The following EVA1C variants were observed in gnomAD, a reference collection of about 807,000 sequenced individuals.
The protein encoded by EVA1C is eva-1 homolog C.
Under a neutral mutation model 45.4 loss-of-function variants are expected in EVA1C, and 25 were observed. The ratio of observed to expected loss-of-function variants is 0.55; its 90% CI spans 0.40 to 0.77. The LOEUF is 0.77. EVA1C is among the 30% of genes least tolerant of loss of function. EVA1C has a pLI of 0.00. For missense variants in EVA1C, 479 were observed against 554.8 expected (o/e 0.86, Z 1.37); for synonymous variants, 190 against 221.2 (o/e 0.86, Z 1.25).
intron 1 of EVA1C, among the ~76,000 whole-genome samples, chr21:32,436,769 A>T (rs2034969447): frequency 6.6e-6 from 1 of 152,268 alleles, no homozygotes; most frequent in Non-Finnish European, 1.5e-5. Context: ...AGGGCACGGC[A>T]GACACGCCAT....
At position 32,462,868 on chromosome 21, in the gene EVA1C, A is replaced by C. The variant is rs7279106; in HGVS notation, c.482-4828A>C. 6.3e-3 allele frequency among the ~76,000 whole-genome samples: 955 copies of C among 152,322 alleles called. 9 individuals carry two copies. Among genetic ancestry groups the C allele is most frequent in the African/African-American group, 0.019 (792 of 41,578 alleles). Reference sequence around the variant, plus strand: ...AATAGTTTTAGTTAATCTATAATCTATAGAAACAATGCTTATCACTGGCTT... The same window carrying C: ...AATAGTTTTAGTTAATCTATAATCTCTAGAAACAATGCTTATCACTGGCTT... On this transcript the variant is annotated intron_variant, in intron 3 of 7. Coordinates refer to ENST00000300255, the MANE Select transcript of EVA1C (RefSeq NM_058187.5).
chr21:32,430,260 G>A (rs982762200), intron 1 of EVA1C, among the ~76,000 whole-genome samples: 14 of 152,128 alleles, frequency 9.2e-5, no homozygotes, highest in African/African-American at 2.2e-4. Context: ...GTGCCCTCTC[G>A]CCTTCTCTAG....
At position 32,447,968 on chromosome 21, in the gene EVA1C, G is replaced by T. The variant is rs2035425805; in HGVS notation, c.161-5344G>T. ...GATCCGCCTGCCTCGGCCTCCCAAA[G>T]TGCTGGGATTACAAGCGTGAGCCAC... On this transcript the variant is annotated intron_variant, in intron 1 of 7. Coordinates refer to ENST00000300255, the MANE Select transcript of EVA1C (RefSeq NM_058187.5). Among the ~76,000 whole-genome samples, 2 of 152,140 alleles carry T rather than the reference G, an allele frequency of 1.3e-5. 1 individual carries two copies. Among genetic ancestry groups the T allele is most frequent in the South Asian group, 4.1e-4 (2 of 4,828 alleles).
chr21:32,444,972 A>T (rs541682009), intron 1 of EVA1C, among the ~76,000 whole-genome samples: 24 of 151,746 alleles, frequency 1.6e-4, no homozygotes, highest in African/African-American at 4.8e-4. Flanking sequence ...AGTTATTTAC[A>T]TCATTCTGGT....
chr21:32,512,212 C>T (rs1364188894), intron 7 of EVA1C, among the ~76,000 whole-genome samples: 3 of 152,148 alleles, frequency 2.0e-5, no homozygotes, highest in African/African-American at 4.8e-5. Context: ...CGCTCCTATA[C>T]GGGTGTGCAT....
rs143537872 is a variant in EVA1C, at chr21:32,422,255, G to A, written c.160+9242G>A. On this transcript the variant is annotated intron_variant, in intron 1 of 7. Coordinates refer to ENST00000300255, the MANE Select transcript of EVA1C (RefSeq NM_058187.5). ...AGGTATAGCTGAAGAGAGAAACAGTGAGGTGGAAAAAAAAGCTGGAGAAAT... is the reference window on the plus strand; with the variant it reads ...AGGTATAGCTGAAGAGAGAAACAGTAAGGTGGAAAAAAAAGCTGGAGAAAT... 6.7e-3 allele frequency among the ~76,000 whole-genome samples: 1,015 copies of A among 152,172 alleles called. 13 individuals are homozygous for A. The highest frequency in any genetic ancestry group is 0.023 in the African/African-American group (954 of 41,492).
At chr21:32,454,265 G>C (rs1191508948) in intron 2 of EVA1C, among the ~76,000 whole-genome samples, 3 of 152,140 alleles carry the variant, frequency 2.0e-5, no homozygotes, top group African/African-American at 7.2e-5. Flanking sequence ...GGAAATATCA[G>C]TAATATCAGT....
chr21:32,506,555 C>T (rs1904470944), intron 7 of EVA1C, among the ~76,000 whole-genome samples: 1 of 151,800 alleles, frequency 6.6e-6, no homozygotes, highest in South Asian at 2.1e-4. Context: ...ACAAGAAGCT[C>T]GTGACTCAAA....
intron 6 of EVA1C, among the ~76,000 whole-genome samples, chr21:32,503,084 A>G (rs1407736045): frequency 6.6e-6 from 1 of 152,208 alleles, no homozygotes; most frequent in Non-Finnish European, 1.5e-5. Flanking sequence ...AGGTTACCCC[A>G]TCACAGACTT....
intron 1 of EVA1C, among the ~76,000 whole-genome samples, chr21:32,438,598 T>C (rs576225843): frequency 2.3e-3 from 346 of 151,212 alleles, no homozygotes; most frequent in Non-Finnish European, 2.7e-3. Flanking sequence ...GCTGGGACCA[T>C]GTGTAGTAGC....
At chr21:32,464,098 A>G (rs1247929442) in intron 3 of EVA1C, among the ~76,000 whole-genome samples, 2 of 152,244 alleles carry the variant, frequency 1.3e-5, no homozygotes, top group Non-Finnish European at 2.9e-5. Flanking sequence ...CTCACCAAAA[A>G]GAATCGAACC....
chr21:32,458,644 G>A (rs1021556531), intron 3 of EVA1C, among the ~76,000 whole-genome samples: 1 of 151,962 alleles, frequency 6.6e-6, no homozygotes, highest in Non-Finnish European at 1.5e-5. Flanking sequence ...ACCACGCCTG[G>A]CTAATTTTGT....
rs2037966964 is a variant in EVA1C, at chr21:32,511,884, C to A, written c.950-2930C>A. Among the ~76,000 whole-genome samples, 3 of 152,014 alleles carry A rather than the reference C, an allele frequency of 2.0e-5. No individual in the cohort carries two copies. The South Asian group carries it at 6.2e-4, about 32-fold the overall frequency. On this transcript the variant is annotated intron_variant, in intron 7 of 7. Coordinates refer to ENST00000300255, the MANE Select transcript of EVA1C (RefSeq NM_058187.5). Reference sequence around the variant, plus strand: ...ATCATCCACAAAAGCAGAAACCTGGCAACAGCAGGAGAGCAGGCAAATAAA... The same window carrying A: ...ATCATCCACAAAAGCAGAAACCTGGAAACAGCAGGAGAGCAGGCAAATAAA...
chr21:32,479,879 G>A (rs2833846), intron 4 of EVA1C, among the ~76,000 whole-genome samples: 61,714 of 151,050 alleles, frequency 0.41, 13,207 homozygotes, highest in East Asian at 0.53. Flanking sequence ...TTAGCCTTAA[G>A]GAATATGGTC....
rs777293408 is a variant in EVA1C, at chr21:32,502,057, T to G, written c.859+562T>G. On this transcript the variant is annotated intron_variant, in intron 6 of 7. Coordinates refer to ENST00000300255, the MANE Select transcript of EVA1C (RefSeq NM_058187.5). The stretch of plus-strand genomic sequence containing the variant: ...CTTTCTTTCTTTCTTTCTTTCTTCT[T>G]TCTTTCTTTCTTCTGTCTTTCTTTC... Among the ~76,000 whole-genome samples, 270 of 107,698 alleles carry G rather than the reference T, an allele frequency of 2.5e-3. 2 individuals are homozygous for G. Among genetic ancestry groups the G allele is most frequent in the Non-Finnish European group, 4.0e-3 (207 of 51,212 alleles). The allele number at this position is 107,698 out of a possible 152,430, so 70.7% of individuals were successfully genotyped here.
chr21:32,436,363 T>A (rs977115509), intron 1 of EVA1C, among the ~76,000 whole-genome samples: 8 of 151,814 alleles, frequency 5.3e-5, no homozygotes, highest in Non-Finnish European at 1.2e-4. Flanking sequence ...CACCTGGCCA[T>A]TCAATTGTTT....
At chr21:32,496,830 A>T (rs1045956939) in intron 5 of EVA1C, 3 of 839,822 alleles carry the variant, frequency 3.6e-6, no homozygotes, top group African/African-American at 3.3e-5. Context: ...TAGTGAAAGG[A>T]GACCAGGTGA....
chr21:32,455,052 G>A (rs2035727212), intron 2 of EVA1C, among the ~76,000 whole-genome samples: 1 of 152,186 alleles, frequency 6.6e-6, no homozygotes, highest in Non-Finnish European at 1.5e-5. Flanking sequence ...CTATAACAGT[G>A]TACCTGAGCC....
At chr21:32,503,267 C>T (rs887561420) in intron 6 of EVA1C, among the ~76,000 whole-genome samples, 8 of 152,206 alleles carry the variant, frequency 5.3e-5, no homozygotes, top group Non-Finnish European at 7.3e-5. Context: ...TATTATTGGC[C>T]GGGAGCAGTG....
Sources: gnomAD v4.1 joint callset for allele counts (sites outside exome capture counted in the v4.1 genomes callset) on GRCh38, gnomAD v4.1.1 for gene constraint, MANE v1.5 for transcripts, NCBI Gene and HGNC (gene_info 2026-07-23, HGNC 2026-07-21) for gene names.